Variants in EIF2AK4 observed in about 807,000 individuals in gnomAD.
The protein encoded by EIF2AK4 is eukaryotic translation initiation factor 2 alpha kinase 4, also known as eIF-2-alpha kinase GCN2.
EIF2AK4 carries 139 observed loss-of-function variants against 211.1 expected under a neutral mutation model. The observed-to-expected ratio is 0.66, with a 90% CI of 0.57 to 0.76. EIF2AK4 has a LOEUF of 0.76. Ranked by LOEUF, EIF2AK4 falls within the 30% of genes least tolerant of loss-of-function variation. EIF2AK4 has a pLI of 0.00. For missense variants in EIF2AK4, 1,664 were observed against 2,043.8 expected (o/e 0.81, Z 3.58); for synonymous variants, 710 against 751.3 (o/e 0.94, Z 0.90).
At chr15:39,968,842 G>A (rs1305178909) in intron 9 of EIF2AK4, among the ~76,000 whole-genome samples, 2 of 150,756 alleles carry the variant, frequency 1.3e-5, no homozygotes, top group Non-Finnish European at 2.9e-5. Flanking sequence ...CTGCACCTGT[G>A]TTTGAGATTG....
chr15:39,955,506 C>A, intron 5 of EIF2AK4, 114 bp from the exon 6 acceptor site: 1 of 1,051,748 alleles, frequency 9.5e-7, no homozygotes, highest in Non-Finnish European at 1.3e-6. Context: ...TTTTATTTCA[C>A]TTGTAAACAT....
At chr15:39,992,962 C>T (rs2034965893) in intron 18 of EIF2AK4, 114 bp downstream of exon 18, 4 of 990,104 alleles carry the variant, frequency 4.0e-6, no homozygotes, top group Admixed American at 3.9e-5. Flanking sequence ...CTCATTCACA[C>T]TCCAGGAAGG....
Position 40,019,123 on chromosome 15 carries a change from G to T in EIF2AK4, c.4096G>T (p.Gly1366Trp). Residue 1366 changes from glycine (G) to tryptophan (W), a missense_variant, in exon 30 of 39, where the codon GGG becomes TGG. Gly to Trp is a radical substitution (Grantham distance 184). This residue lies in a region of EIF2AK4 where 622 missense variants were observed against 796.8 expected (regional missense o/e 0.78). Transcript: ENST00000263791. ...CCAGTTTAGAGGGCCACAAGCTCTGGGGCCAGTTCCCACTGCCATTGGGGT... is the reference window on the plus strand; with the variant it reads ...CCAGTTTAGAGGGCCACAAGCTCTGTGGCCAGTTCCCACTGCCATTGGGGT... ...IPQFRGPQAL[G>W]PVPTAIGVSI... 6.2e-7 allele frequency: 1 copy of T among 1,607,636 alleles called. No individual in the cohort carries two copies.
chr15:40,020,165 CA>C (rs34522012), intron 30 of EIF2AK4, among the ~76,000 whole-genome samples: 63 of 132,334 alleles, frequency 4.8e-4, no homozygotes, highest in Non-Finnish European at 6.3e-4. Flanking sequence ...CAGACCCTGT[CA>C]AAAAAAAAAA....
At chr15:39,981,976 G>A (rs1360582780) in intron 13 of EIF2AK4, among the ~76,000 whole-genome samples, 1 of 149,134 alleles carries the variant, frequency 6.7e-6, no homozygotes, top group African/African-American at 2.5e-5. Context: ...CCAGGCTGGA[G>A]TGCAGTGGCA....
chr15:39,995,481 C>T (rs758114240), intron 18 of EIF2AK4, among the ~76,000 whole-genome samples: 1 of 152,164 alleles, frequency 6.6e-6, no homozygotes, highest in African/African-American at 2.4e-5. Context: ...GTGTCATGCT[C>T]GGTTTCCTCA....
intron 1 of EIF2AK4, among the ~76,000 whole-genome samples, chr15:39,938,303 G>C (rs1207991702): frequency 6.6e-6 from 1 of 152,168 alleles, no homozygotes; most frequent in African/African-American, 2.4e-5. Context: ...GGACCAAAGA[G>C]TGCTTAACCC....
At position 39,948,077 on chromosome 15, in the gene EIF2AK4, A is replaced by T. The variant is rs564554219; in HGVS notation, c.361-1039A>T. Among the ~76,000 whole-genome samples, 70 of 152,346 alleles carry T rather than the reference A, an allele frequency of 4.6e-4. 1 individual carries two copies. In the South Asian group the frequency reaches 0.014, roughly 31 times the overall value. On this transcript the variant is annotated intron_variant, in intron 3 of 38. Transcript: ENST00000263791. ...TGTTTCTGACTGTAAAGTGAAATAT[A>T]TCCAGTAAATGCCACAGCTTCTGGT...
At chr15:39,990,234 T>C (rs1277718952) in intron 15 of EIF2AK4, 39 bp from the exon 16 acceptor site, 1 of 1,596,768 alleles carries the variant, frequency 6.3e-7, no homozygotes, top group Admixed American at 1.7e-5. Flanking sequence ...ACTTTATGCA[T>C]GGAAAACCAT....
intron 16 of EIF2AK4, 121 bp downstream of exon 16, chr15:39,990,498 T>G: frequency 1.2e-6 from 1 of 846,554 alleles, no homozygotes; most frequent in Non-Finnish European, 1.9e-6. Context: ...CTCAGGAGAT[T>G]ATACAAACCT....
At chr15:39,951,369 T>G in intron 4 of EIF2AK4, 1 of 238,442 alleles carries the variant, frequency 4.2e-6, no homozygotes, top group Non-Finnish European at 8.5e-6. Flanking sequence ...AGTGGATTCT[T>G]AAGCACGCTC....
At chr15:39,953,434 A>G (rs909564216) in intron 4 of EIF2AK4, among the ~76,000 whole-genome samples, 2 of 152,220 alleles carry the variant, frequency 1.3e-5, no homozygotes, top group African/African-American at 2.4e-5. Flanking sequence ...GAAGAATGGC[A>G]GGTAGGTATG....
intron 2 of EIF2AK4, among the ~76,000 whole-genome samples, chr15:39,940,961 T>C (rs532938692): frequency 6.6e-6 from 1 of 152,196 alleles, no homozygotes; most frequent in East Asian, 1.9e-4. Flanking sequence ...CAGAACTCAG[T>C]TTCTGTGAGT....
In EIF2AK4 at chr15:39,967,694, G is replaced by A. The variant is rs770166514; in HGVS notation, c.1368G>A (p.Glu456=). 1.4e-5 allele frequency: 23 copies of A among 1,614,192 alleles called. 1 individual carries two copies. The South Asian group carries it at 2.5e-4, about 18-fold the overall frequency. The change falls in exon 9 of 39, where the codon GAG becomes GAA. Residue 456 remains glutamate, a synonymous_variant. Coordinates refer to ENST00000263791, the MANE Select transcript of EIF2AK4 (RefSeq NM_001013703.4). ...AGCGCCTCGCAGACATTTGCAAGGA[G>A]GATGTGTTTGAGCAAACCCGAGTTC... ...ISKRLADICK[E]DVFEQTRVRF...
At chr15:39,989,198 A>G (rs2034908975) in intron 15 of EIF2AK4, among the ~76,000 whole-genome samples, 2 of 152,224 alleles carry the variant, frequency 1.3e-5, no homozygotes, top group African/African-American at 4.8e-5. Context: ...AATTGCCATT[A>G]TAATATAAAT....
intron 18 of EIF2AK4, among the ~76,000 whole-genome samples, chr15:39,996,731 A>G (rs2035023316): frequency 6.6e-6 from 1 of 152,192 alleles, no homozygotes; most frequent in African/African-American, 2.4e-5. Context: ...AAAAATTTCT[A>G]GGAAAATGTT....
chr15:39,953,328 A>T (rs2034345795), intron 4 of EIF2AK4, among the ~76,000 whole-genome samples: 2 of 152,182 alleles, frequency 1.3e-5, no homozygotes, highest in Admixed American at 1.3e-4. Flanking sequence ...AATAGTTTTG[A>T]TAATTATAAT....
At chr15:40,025,783 C>T (rs2035458618) in intron 32 of EIF2AK4, among the ~76,000 whole-genome samples, 194 bp from the exon 33 acceptor site, 1 of 152,186 alleles carries the variant, frequency 6.6e-6, no homozygotes, top group South Asian at 2.1e-4. Flanking sequence ...TCTCTGACCG[C>T]TACCTACTAC....
intron 18 of EIF2AK4, among the ~76,000 whole-genome samples, chr15:39,993,914 A>T (rs1379834689): frequency 1.3e-5 from 2 of 152,216 alleles, no homozygotes; most frequent in African/African-American, 4.8e-5. Context: ...AGATTTTCCC[A>T]ATGGAAGGGA....
Sources: gnomAD v4.1 joint callset for allele counts (sites outside exome capture counted in the v4.1 genomes callset) on GRCh38, gnomAD v4.1.1 for gene constraint, gnomAD v4.1.1 regional missense constraint, MANE v1.5 for transcripts, NCBI Gene and HGNC (gene_info 2026-07-23, HGNC 2026-07-21) for gene names.